FAT1: variants seen among roughly 807,000 people sequenced by gnomAD.
FAT1 encodes the protein protocadherin Fat 1.
FAT1 carries 171 observed loss-of-function variants against 329.8 expected under a neutral mutation model. The ratio of observed to expected loss-of-function variants is 0.52; its 90% CI spans 0.46 to 0.59. The LOEUF is 0.59. FAT1 is among the 20% of genes least tolerant of loss of function. The pLI is 0.00. For synonymous variants in FAT1, 2,233 were observed against 2,228.6 expected (o/e 1.00, Z -0.06); for missense variants, 5,672 against 5,774.4 (o/e 0.98, Z 0.57).
rs1458891493 is a variant in FAT1, at chr4:186,643,838, A to G, written c.3581-4055T>C. The stretch of plus-strand genomic sequence containing the variant: ...AAACATCGACTTCAAACATAATTCT[A>G]AAGTACAACTGCTCCATATACCCAC... On this transcript the variant is annotated intron_variant, in intron 3 of 26. Coordinates refer to ENST00000441802, the MANE Select transcript of FAT1 (RefSeq NM_005245.4). Among the ~76,000 whole-genome samples, 7 of 140,352 alleles carry G rather than the reference A, an allele frequency of 5.0e-5. No homozygotes were observed. In the East Asian group the frequency reaches 1.2e-3, roughly 25 times the overall value. The allele number at this position is 140,352 out of a possible 152,430, so 92.1% of individuals were successfully genotyped here.
chr4:186,724,183 T>TA (rs59026469), upstream of FAT1, among the ~76,000 whole-genome samples: 9,213 of 71,132 alleles, frequency 0.13, 621 homozygotes, highest in African/African-American at 0.18. The surrounding 1 kb of genome is among the most constrained non-coding windows in gnomAD (Gnocchi z 5.3). Flanking sequence ...TTAGCTTAGC[T>TA]AAAAAAAAAA....
chr4:186,691,363 C>T (rs535014417), intron 2 of FAT1, among the ~76,000 whole-genome samples: 1 of 152,334 alleles, frequency 6.6e-6, no homozygotes, highest in African/African-American at 2.4e-5. Context: ...CTTCTATATA[C>T]TATATCCAAG....
chr4:186,619,789 T>G lies in FAT1; in HGVS notation c.6797A>C (p.Glu2266Ala), dbSNP rs1739935076. Residue 2266 changes from glutamate to alanine, a missense_variant, in exon 10 of 27, where the codon GAA becomes GCA. Glu to Ala is a moderately radical substitution (Grantham distance 107). Around this residue, in one of 2 missense-constraint regions of FAT1, gnomAD observed 3,966 missense variants for 3,915.2 expected, o/e 1.01. Coordinates refer to ENST00000441802, the MANE Select transcript of FAT1 (RefSeq NM_005245.4). ...GTCTACTATGATGTCCACAAATACTTCAGCATGAGCGCCCGTCAAGGAGTC... is the reference window on the plus strand; with the variant it reads ...GTCTACTATGATGTCCACAAATACTGCAGCATGAGCGCCCGTCAAGGAGTC... Reference protein sequence around the residue: ...ATDSLTGAHAEVFVDIIVDDI... With the variant: ...ATDSLTGAHAAVFVDIIVDDI... The G allele has an allele frequency of 2.5e-6, 4 of 1,613,990 alleles. No homozygotes were observed. The highest frequency in any genetic ancestry group is 3.4e-6 in the Non-Finnish European group (4 of 1,179,880).
At chr4:186,590,785 T>C (rs1156715034) in intron 26 of FAT1, 1 of 404,026 alleles carries the variant, frequency 2.5e-6, no homozygotes, top group Non-Finnish European at 4.9e-6. Flanking sequence ...TAGGTGATAA[T>C]CCAAATACAT....
intron 3 of FAT1, among the ~76,000 whole-genome samples, chr4:186,654,587 T>C (rs1405666119): frequency 6.6e-6 from 1 of 151,924 alleles, no homozygotes; most frequent in African/African-American, 2.4e-5. Flanking sequence ...GGATTTTGAG[T>C]AAGGATCACT....
At chr4:186,614,448 C>G (rs1739610311) in intron 11 of FAT1, 104 bp from the exon 12 acceptor site, 2 of 733,046 alleles carry the variant, frequency 2.7e-6, no homozygotes, top group Middle Eastern at 2.6e-4. Flanking sequence ...CCACAGAAAA[C>G]ATGGGAAATG....
intron 1 of FAT1, among the ~76,000 whole-genome samples, chr4:186,720,262 C>G (rs115482963): frequency 0.015 from 2,311 of 152,160 alleles, 27 homozygotes; most frequent in Middle Eastern, 0.034. Context: ...TTGTTTTCAC[C>G]TTTCTCTTCA....
chr4:186,711,569 A>C (rs1744954484), intron 1 of FAT1, among the ~76,000 whole-genome samples: 1 of 152,188 alleles, frequency 6.6e-6, no homozygotes. Context: ...CATGGTGTTA[A>C]GGAATAAAAG....
Position 186,595,745 on chromosome 4 carries a change from C to T in FAT1, c.13082G>A (p.Ser4361Asn), listed in dbSNP as rs2126382376. The part of the protein sequence containing the change: ...KPSQPYSARE[S>N]LSEVQSLSSF... Reference sequence around the variant, plus strand: ...GCTCAGAGACTGCACTTCAGACAGGCTTTCCCGGGCACTGTATGGCTGGGA... The same window carrying T: ...GCTCAGAGACTGCACTTCAGACAGGTTTTCCCGGGCACTGTATGGCTGGGA... Residue 4361 changes from serine to asparagine, a missense_variant, in exon 26 of 27, where the codon AGC becomes AAC. Coordinates refer to ENST00000441802, the MANE Select transcript of FAT1 (RefSeq NM_005245.4). 1 of 1,613,980 alleles carries T rather than the reference C, an allele frequency of 6.2e-7. No homozygotes were observed. The highest frequency in any genetic ancestry group is 1.1e-5 in the South Asian group (1 of 91,080).
At chr4:186,604,949 T>G (rs1277316286) in intron 17 of FAT1, among the ~76,000 whole-genome samples, 2 of 151,588 alleles carry the variant, frequency 1.3e-5, no homozygotes, top group East Asian at 2.0e-4. Flanking sequence ...CCAGGCGCGG[T>G]GGCTCACGCC....
At position 186,618,797 on chromosome 4, in the gene FAT1, G is replaced by C. The variant is rs777631605; in HGVS notation, c.7789C>G (p.Arg2597Gly). 1 of 1,613,986 alleles carries C rather than the reference G, an allele frequency of 6.2e-7. No homozygotes were observed. Among genetic ancestry groups the C allele is most frequent in the Non-Finnish European group, 8.5e-7 (1 of 1,179,872 alleles). Residue 2597 changes from arginine (R) to glycine (G), a missense_variant, in exon 10 of 27, where the codon CGA (arginine) becomes GGA (glycine). Coordinates refer to ENST00000441802, the MANE Select transcript of FAT1 (RefSeq NM_005245.4). ...TDDNDNAPQF[R>G]ATKYEVNIGS... ...ATATTCACTTCGTATTTGGTTGCTC[G>C]AAATTGTGGTGCATTGTCATTGTCA...
chr4:186,720,274 C>T (rs555287378), intron 1 of FAT1, among the ~76,000 whole-genome samples: 14 of 152,112 alleles, frequency 9.2e-5, no homozygotes, highest in East Asian at 5.8e-4. Flanking sequence ...TTCTCTTCAA[C>T]GTTTCTTTCT....
At chr4:186,641,337 C>T (rs1221300848) in intron 3 of FAT1, among the ~76,000 whole-genome samples, 5 of 152,180 alleles carry the variant, frequency 3.3e-5, no homozygotes, top group African/African-American at 4.8e-5. Context: ...GTAAAAATGA[C>T]GCTTGAATGT....
intron 2 of FAT1, among the ~76,000 whole-genome samples, chr4:186,674,633 T>C (rs1742866602): frequency 6.6e-6 from 1 of 152,062 alleles, no homozygotes; most frequent in African/African-American, 2.4e-5. Flanking sequence ...GTTCAAGAAC[T>C]CCGTGTGACC....
intron 2 of FAT1, among the ~76,000 whole-genome samples, chr4:186,678,391 C>T (rs1255612924): frequency 6.7e-6 from 1 of 150,118 alleles, no homozygotes; most frequent in East Asian, 2.0e-4. Flanking sequence ...ATCCTTGAGC[C>T]CAGGAGGTGG....
intron 2 of FAT1, among the ~76,000 whole-genome samples, chr4:186,693,741 A>G (rs1157037934): frequency 6.6e-6 from 1 of 152,242 alleles, no homozygotes; most frequent in Non-Finnish European, 1.5e-5. Flanking sequence ...TTTCCCAACA[A>G]AAGGCTAAAT....
Position 186,707,130 on chromosome 4 carries a change from G to T in FAT1, c.2698C>A (p.Gln900Lys), listed in dbSNP as rs753346793. The T allele has an allele frequency of 6.2e-7, 1 of 1,613,914 alleles. No individual in the cohort carries two copies. Among genetic ancestry groups the T allele is most frequent in the Non-Finnish European group, 8.5e-7 (1 of 1,179,874 alleles). ...AACAGCTGAGGCTCTTCTCTGGCTTGGTCCCTGGCCTCAATCTTTAAGGAG... is the reference window on the plus strand; with the variant it reads ...AACAGCTGAGGCTCTTCTCTGGCTTTGTCCCTGGCCTCAATCTTTAAGGAG... Reference protein sequence around the residue: ...EHSLKIEARDQAREEPQLFST... With the variant: ...EHSLKIEARDKAREEPQLFST... The change falls in exon 2 of 27, where the codon CAA becomes AAA. Residue 900 changes from glutamine to lysine, a missense_variant. This residue lies in a region of FAT1 where 3,966 missense variants were observed against 3,915.2 expected (regional missense o/e 1.01). Coordinates refer to ENST00000441802, the MANE Select transcript of FAT1 (RefSeq NM_005245.4).
chr4:186,601,723 T>C lies in FAT1; in HGVS notation c.11483-297A>G, dbSNP rs182110591. ...ATTATTAGAAGAAAATTTCAGAAAA[T>C]AGTTATACATAGCCTCAAGGTGATT... On this transcript the variant is annotated intron_variant, in intron 20 of 26. Coordinates refer to ENST00000441802, the MANE Select transcript of FAT1 (RefSeq NM_005245.4). 112 of 228,246 alleles carry C rather than the reference T, an allele frequency of 4.9e-4. No homozygotes were observed. In the East Asian group the frequency reaches 9.3e-3, roughly 19 times the overall value. The allele number at this position is 228,246 out of a possible 1,614,324, so 14.1% of individuals were successfully genotyped here. A position where few individuals can be genotyped will look rare whatever the true frequency, so the allele number is the denominator to read the frequency against.
chr4:186,690,580 C>A (rs188859940), intron 2 of FAT1, among the ~76,000 whole-genome samples: 4 of 151,990 alleles, frequency 2.6e-5, no homozygotes, highest in Admixed American at 2.6e-4. Flanking sequence ...ACCTGTAATC[C>A]CAGCTACTTG....
Sources: gnomAD v4.1 joint callset for allele counts (sites outside exome capture counted in the v4.1 genomes callset) on GRCh38, gnomAD v4.1.1 for gene constraint, gnomAD v4.1.1 regional missense constraint, Gnocchi (gnomAD v3.1) non-coding constraint, MANE v1.5 for transcripts, NCBI Gene and HGNC (gene_info 2026-07-23, HGNC 2026-07-21) for gene names.